The following EHBP1 variants were observed in gnomAD, a reference collection of about 807,000 sequenced individuals.
EHBP1 encodes EH domain-binding protein 1.
EHBP1 carries 55 observed loss-of-function variants against 144.0 expected under a neutral mutation model. The observed-to-expected ratio is 0.38, with a 90% CI of 0.31 to 0.48. EHBP1 has a LOEUF of 0.48. Among genes scored for constraint, EHBP1 ranks in the 20% least tolerant of loss-of-function variants. EHBP1 has a pLI of 0.98. For missense variants in EHBP1, 1,200 were observed against 1,364.2 expected, an observed-to-expected ratio of 0.88 and a Z score of 1.90; for synonymous variants, 469 against 472.7, an observed-to-expected ratio of 0.99 and a Z score of 0.10.
intron 1 of EHBP1, among the ~76,000 whole-genome samples, chr2:62,697,335 A>C (rs2034135269): frequency 6.6e-6 from 1 of 152,242 alleles, no homozygotes; most frequent in South Asian, 2.1e-4. Context: ...ATAGATTATA[A>C]ATTTGTATGT....
rs552248685 is a variant in EHBP1 at position 62,863,828 on chromosome 2, T to C, written c.758-903T>C. ...TTTTATTTTATTTTTTTAAATTTTA[T>C]TTTTCTGTGTTGTTTTTTTTTTTTT... On this transcript the variant is annotated intron_variant, in intron 8 of 22. Transcript: ENST00000431489. Among the ~76,000 whole-genome samples the C allele has an allele frequency of 2.4e-3, 346 of 144,296 alleles. 8 individuals carry two copies. Among genetic ancestry groups the C allele is most frequent in the African/African-American group, 8.0e-3 (322 of 40,058 alleles). 94.7% of individuals were successfully genotyped at this position (144,296 alleles called of 152,430 possible).
At chr2:62,843,739 T>C (rs1200778096) in intron 7 of EHBP1, among the ~76,000 whole-genome samples, 1 of 152,196 alleles carries the variant, frequency 6.6e-6, no homozygotes, top group Non-Finnish European at 1.5e-5. Context: ...TTGAGTGAAG[T>C]AGTTTTAGCA....
intron 5 of EHBP1, among the ~76,000 whole-genome samples, 197 bp from the exon 6 acceptor site, chr2:62,825,890 G>A (rs1295755132): frequency 7.2e-5 from 11 of 151,910 alleles, no homozygotes; most frequent in Admixed American, 6.6e-4. Flanking sequence ...CTTTCCAATT[G>A]CATATCTGCC....
chr2:63,034,042 C>T (rs762648674), intron 19 of EHBP1, among the ~76,000 whole-genome samples: 2 of 151,696 alleles, frequency 1.3e-5, no homozygotes, highest in African/African-American at 2.4e-5. Context: ...ATTGTGATAT[C>T]GAAATAGATG....
chr2:62,739,225 A>G (rs1414572547), intron 2 of EHBP1, among the ~76,000 whole-genome samples: 1 of 152,180 alleles, frequency 6.6e-6, no homozygotes, highest in Admixed American at 6.5e-5. Context: ...TTCTCAGTAA[A>G]TGCTTTTTGA....
intron 3 of EHBP1, among the ~76,000 whole-genome samples, chr2:62,749,705 G>T (rs2039495593): frequency 6.6e-6 from 1 of 152,128 alleles, no homozygotes; most frequent in Non-Finnish European, 1.5e-5. Flanking sequence ...TCTCATTGTG[G>T]TTTTGATTTG....
upstream of EHBP1, among the ~76,000 whole-genome samples, chr2:62,704,932 C>G (rs546755425): frequency 6.6e-6 from 1 of 152,280 alleles, no homozygotes; most frequent in East Asian, 1.9e-4. Flanking sequence ...CCAAATCCAT[C>G]TACAGTTCTC....
At chr2:62,980,900 CTAAAAAAAAAATTTTTTT>C (rs2058937561) in intron 15 of EHBP1, among the ~76,000 whole-genome samples, 1 of 146,614 alleles carries the variant, frequency 6.8e-6, no homozygotes, top group Non-Finnish European at 1.5e-5. Context: ...CTCACGCCCA[CTAAAAAAAAAATTTTTTT>C]TAATTAACCA....
chr2:62,868,858 A>G (rs936413208), intron 9 of EHBP1, among the ~76,000 whole-genome samples: 5 of 152,098 alleles, frequency 3.3e-5, no homozygotes, highest in African/African-American at 1.2e-4. Flanking sequence ...GGAGGCTGAT[A>G]TGGGCTGATC....
intron 13 of EHBP1, among the ~76,000 whole-genome samples, chr2:62,950,146 GCA>G (rs1574202968): frequency 6.9e-6 from 1 of 145,050 alleles, no homozygotes; most frequent in South Asian, 2.2e-4. Flanking sequence ...TTTTTTTTCT[GCA>G]CAGTTATCCT....
At chr2:63,026,338 G>C (rs1000853567) in intron 19 of EHBP1, among the ~76,000 whole-genome samples, 166 of 148,734 alleles carry the variant, frequency 1.1e-3, no homozygotes, top group African/African-American at 3.9e-3. Context: ...GTGTGTGTGT[G>C]TGTGTGTCTG....
chr2:62,680,212 G>A (rs1006044404), intron 1 of EHBP1, among the ~76,000 whole-genome samples: 1 of 152,140 alleles, frequency 6.6e-6, no homozygotes, highest in South Asian at 2.1e-4. Flanking sequence ...AGACTGGCTG[G>A]AACAACATGT....
chr2:62,833,504 C>G (rs569759231), intron 7 of EHBP1, among the ~76,000 whole-genome samples: 1 of 152,312 alleles, frequency 6.6e-6, no homozygotes, highest in Admixed American at 6.5e-5. Context: ...CAAGTTAACT[C>G]TCTTGTTAGC....
intron 10 of EHBP1, among the ~76,000 whole-genome samples, chr2:62,879,015 C>T (rs1240016464): frequency 6.9e-6 from 1 of 144,150 alleles, no homozygotes; most frequent in Non-Finnish European, 1.5e-5. Context: ...GAGACGCTGT[C>T]TCAAAAAAAA....
chr2:62,859,295 G>A lies in EHBP1; in HGVS notation c.757+4G>A, dbSNP rs770863802. The A allele has an allele frequency of 1.9e-6, 3 of 1,595,088 alleles. No individual in the cohort carries two copies. The highest frequency in any genetic ancestry group is 4.5e-5 in the East Asian group (2 of 44,458). The stretch of plus-strand genomic sequence containing the variant: ...TTTGGAGATCCTGACTCAGAAGGTA[G>A]CAAGTTTTTCTGTAATTTTAAAGTC... On this transcript the variant is annotated splice_donor_region_variant and intron_variant, in intron 8 of 22. Coordinates refer to ENST00000431489, the MANE Select transcript of EHBP1 (RefSeq NM_001142616.3).
chr2:62,832,834 A>G (rs2046929786), intron 7 of EHBP1, among the ~76,000 whole-genome samples: 1 of 152,158 alleles, frequency 6.6e-6, no homozygotes. Context: ...TAACCCTGCA[A>G]TGCCTATGGG....
intron 7 of EHBP1, among the ~76,000 whole-genome samples, chr2:62,844,207 C>G (rs1033834848): frequency 2.6e-5 from 4 of 152,094 alleles, no homozygotes; most frequent in African/African-American, 9.7e-5. Context: ...AACATATCCT[C>G]CAAAATTACA....
chr2:63,042,197 C>T (rs998050036), intron 21 of EHBP1, among the ~76,000 whole-genome samples: 2 of 152,048 alleles, frequency 1.3e-5, no homozygotes, highest in Non-Finnish European at 2.9e-5. Flanking sequence ...TGCAGTTAGG[C>T]TTGAACATGC....
chr2:62,765,447 A>G (rs538995815), intron 4 of EHBP1, among the ~76,000 whole-genome samples: 3 of 152,242 alleles, frequency 2.0e-5, no homozygotes, highest in African/African-American at 7.2e-5. Flanking sequence ...CATTAATCCA[A>G]TATTCTTGAG....
Sources: allele counts gnomAD v4.1 joint callset (sites outside exome capture counted in the v4.1 genomes callset), GRCh38; gene constraint gnomAD v4.1.1; transcripts MANE v1.5; gene names NCBI Gene and HGNC (gene_info 2026-07-23, HGNC 2026-07-21).